The following PCDHGA9 variants were observed in gnomAD, a reference collection of about 807,000 sequenced individuals.
The protein encoded by PCDHGA9 is protocadherin gamma-A9.
In PCDHGA9, 37 loss-of-function variants were observed where a neutral mutation model predicts 62.5. The observed-to-expected ratio is 0.59, with a 90% CI of 0.46 to 0.78. The LOEUF (loss-of-function observed/expected upper bound fraction) is 0.78. PCDHGA9 is among the 30% of genes least tolerant of loss of function. The probability of loss-of-function intolerance (pLI) is 0.00; values close to 1 mark genes in which losing one functional copy is unlikely to be tolerated. For synonymous variants in PCDHGA9, 459 were observed against 484.6 expected, an observed-to-expected ratio of 0.95 and a Z score of 0.69; for missense variants, 1,138 against 1,166.2, an observed-to-expected ratio of 0.98 and a Z score of 0.35.
Position 141,422,740 on chromosome 5 carries a change from T to C in PCDHGA9, c.2424+17364T>C, listed in dbSNP as rs536737009. The C allele has an allele frequency of 2.7e-5, 43 of 1,609,962 alleles. 1 individual carries two copies. In the South Asian group the frequency reaches 4.8e-4, roughly 18 times the overall value. On this transcript the variant is annotated intron_variant, in intron 1 of 3. Transcript: ENST00000573521. ...TGTCCAGGGGGTGCCTCTGTCCTCC[T>C]ATGTCTCTATTAACTCCAACACTGG... is the stretch of plus-strand genomic sequence containing the variant.
intron 1 of PCDHGA9, among the ~76,000 whole-genome samples, chr5:141,420,686 C>T (rs781004859): frequency 1.3e-4 from 20 of 152,258 alleles, no homozygotes; most frequent in Admixed American, 4.6e-4. Context: ...TTATCGGGAC[C>T]GTATTATTTC....
chr5:141,477,845 G>A lies in PCDHGA9; in HGVS notation c.2425-16962G>A, dbSNP rs1164464559. On this transcript the variant is annotated intron_variant, in intron 1 of 3. Transcript: ENST00000573521. This position sits in a 1 kb window ranked among gnomAD's most constrained non-coding sequence, Gnocchi z 4.9. ...ATATCCTCGGCCAGGTGGGAGCTCGGTGGAGATGCTGCCTCGAGGTACCTC... is the reference window on the plus strand; with the variant it reads ...ATATCCTCGGCCAGGTGGGAGCTCGATGGAGATGCTGCCTCGAGGTACCTC... 11 of 1,614,040 alleles carry A rather than the reference G, an allele frequency of 6.8e-6. No individual in the cohort carries two copies. The highest frequency in any genetic ancestry group is 9.3e-6 in the Non-Finnish European group (11 of 1,180,036).
Position 141,404,132 on chromosome 5 carries a change from T to C in PCDHGA9, c.1180T>C (p.Leu394=). 1 of 1,613,136 alleles carries C rather than the reference T, an allele frequency of 6.2e-7. No individual in the cohort carries two copies. Among genetic ancestry groups the C allele is most frequent in the Non-Finnish European group, 8.5e-7 (1 of 1,179,440 alleles). Residue 394 remains leucine, a synonymous_variant, in exon 1 of 4, where the codon TTA becomes CTA. Transcript: ENST00000573521. ...CSIQENLSFT[L]ENSEEDYYRL... ...TATCCAGGAGAATCTATCTTTTACA[T>C]TAGAAAATTCAGAAGAAGATTATTA...
intron 1 of PCDHGA9, chr5:141,409,411 AC>A (rs1172458730): frequency 6.2e-7 from 1 of 1,614,004 alleles, no homozygotes; most frequent in African/African-American, 1.3e-5. Flanking sequence ...ACTACTACAA[AC>A]TGGTGACAGA....
intron 1 of PCDHGA9, chr5:141,427,786 C>G: frequency 1.4e-6 from 2 of 1,477,082 alleles, no homozygotes; most frequent in Non-Finnish European, 1.9e-6. Flanking sequence ...GCACTGTCGT[C>G]CTACGTGTCC....
At chr5:141,415,043 T>G in intron 1 of PCDHGA9, 2 of 1,613,396 alleles carry the variant, frequency 1.2e-6, no homozygotes, top group Non-Finnish European at 1.7e-6. Flanking sequence ...CTCTTCGCGG[T>G]GGGGGAGCAC....
chr5:141,497,211 G>T (rs914346878), intron 2 of PCDHGA9, among the ~76,000 whole-genome samples: 12 of 28,538 alleles, frequency 4.2e-4, no homozygotes, highest in African/African-American at 1.1e-3. Context: ...GAGTGTAATG[G>T]GGGGGGGAAG....
At chr5:141,452,897 T>C (rs1447851469) in intron 1 of PCDHGA9, among the ~76,000 whole-genome samples, 1 of 152,230 alleles carries the variant, frequency 6.6e-6, no homozygotes, top group Non-Finnish European at 1.5e-5. Flanking sequence ...CCACTTTTAT[T>C]AGTTGGCATT....
rs187495695 is a variant in PCDHGA9, at chr5:141,486,508, T to G, written c.2425-8299T>G. The G allele has an allele frequency of 9.3e-6, 15 of 1,614,172 alleles. No homozygotes were observed. In the Admixed American group the frequency reaches 2.5e-4, roughly 27 times the overall value. The stretch of plus-strand genomic sequence containing the variant: ...CCCACAGAACTATTTTCCTCAATAT[T>G]TCAGATGTGAATGATAATCCACCCT... On this transcript the variant is annotated intron_variant, in intron 1 of 3. Coordinates refer to ENST00000573521, the MANE Select transcript of PCDHGA9 (RefSeq NM_018921.3). The surrounding 1 kb of genome is among the most constrained non-coding windows in gnomAD (Gnocchi z 5.0).
At chr5:141,410,804 T>A in intron 1 of PCDHGA9, 1 of 674,100 alleles carries the variant, frequency 1.5e-6, no homozygotes, top group Non-Finnish European at 2.3e-6. Flanking sequence ...TTGCTCTATC[T>A]TTTTGTAAAA....
intron 1 of PCDHGA9, among the ~76,000 whole-genome samples, chr5:141,442,726 C>A (rs1160438073): frequency 2.6e-5 from 4 of 152,060 alleles, no homozygotes; most frequent in Non-Finnish European, 5.9e-5. Context: ...GCATTTGGGG[C>A]CTGTAGGTAA....
intron 1 of PCDHGA9, chr5:141,408,920 C>T (rs772932702): frequency 1.9e-6 from 3 of 1,613,506 alleles, no homozygotes; most frequent in Admixed American, 1.7e-5. Context: ...TGATAACCCC[C>T]CGGTTTTCAG....
At chr5:141,435,995 A>C (rs1033174115) in intron 1 of PCDHGA9, among the ~76,000 whole-genome samples, 2 of 152,144 alleles carry the variant, frequency 1.3e-5, no homozygotes, top group African/African-American at 4.8e-5. Context: ...TGATTTTTTG[A>C]AAGAAAGTAT....
At chr5:141,464,976 A>G (rs2154568682) in intron 1 of PCDHGA9, among the ~76,000 whole-genome samples, 1 of 152,214 alleles carries the variant, frequency 6.6e-6, no homozygotes, top group East Asian at 1.9e-4. Flanking sequence ...TACTGGCTTC[A>G]AGTGATCCTC....
chr5:141,433,587 G>A (rs1228017153), intron 1 of PCDHGA9, among the ~76,000 whole-genome samples: 1 of 152,068 alleles, frequency 6.6e-6, no homozygotes, highest in African/African-American at 2.4e-5. Flanking sequence ...TGTAATCCCA[G>A]TACTTTGGGA....
At position 141,405,204 on chromosome 5, in the gene PCDHGA9, A is replaced by G; in HGVS notation, c.2252A>G (p.Gln751Arg). The G allele has an allele frequency of 6.2e-7, 1 of 1,613,034 alleles. No individual in the cohort carries two copies. ...VGVDGVRAFL[Q>R]TYSQEFSLTA... ...GTAGATGGGGTTCGAGCTTTCCTACAGACCTATTCTCAGGAGTTCTCCCTC... is the reference window on the plus strand; with the variant it reads ...GTAGATGGGGTTCGAGCTTTCCTACGGACCTATTCTCAGGAGTTCTCCCTC... Residue 751 changes from glutamine to arginine, a missense_variant, in exon 1 of 4, where the codon CAG (glutamine) becomes CGG (arginine). By Grantham distance (43) the Gln-to-Arg change is conservative. Coordinates refer to ENST00000573521, the MANE Select transcript of PCDHGA9 (RefSeq NM_018921.3).
Position 141,491,004 on chromosome 5 carries a change from G to T in PCDHGA9, c.2425-3803G>T. ...CTCGCTCTGCTCCTCCTGGCTCCTT[G>T]GTCACCAAGGTGACAGCCGTGGATG... On this transcript the variant is annotated intron_variant, in intron 1 of 3. Transcript: ENST00000573521. The surrounding 1 kb of genome is among the most constrained non-coding windows in gnomAD (Gnocchi z 6.9). The T allele has an allele frequency of 6.2e-7, 1 of 1,614,024 alleles. No individual in the cohort carries two copies. Among genetic ancestry groups the T allele is most frequent in the Non-Finnish European group, 8.5e-7 (1 of 1,180,026 alleles).
At chr5:141,419,093 C>T (rs1191453038) in intron 1 of PCDHGA9, 4 of 1,613,916 alleles carry the variant, frequency 2.5e-6, no homozygotes, top group South Asian at 1.1e-5. Flanking sequence ...GGCCCTGGAT[C>T]GGGAGCAGAC....
intron 1 of PCDHGA9, chr5:141,422,941 G>A (rs777535652): frequency 9.9e-6 from 16 of 1,614,218 alleles, no homozygotes; most frequent in East Asian, 4.5e-5. Context: ...CCCCACAGAC[G>A]GCTCCACTGG....
Sources: gnomAD v4.1 joint callset for allele counts (sites outside exome capture counted in the v4.1 genomes callset) on GRCh38, gnomAD v4.1.1 for gene constraint, Gnocchi (gnomAD v3.1) non-coding constraint, MANE v1.5 for transcripts, NCBI Gene and HGNC (gene_info 2026-07-23, HGNC 2026-07-21) for gene names.